ZFR: variants seen among roughly 807,000 people sequenced by gnomAD.
ZFR encodes zinc finger RNA binding protein, also known as zinc finger RNA-binding protein.
Under a neutral mutation model 130.7 loss-of-function variants are expected in ZFR, and 19 were observed. The observed-to-expected ratio is 0.15, with a 90% confidence interval of 0.10 to 0.21. The LOEUF (loss-of-function observed/expected upper bound fraction) is 0.21. Ranked by LOEUF, ZFR falls within the 10% of genes least tolerant of loss-of-function variation. The probability of loss-of-function intolerance (pLI) is 1.00; values close to 1 mark genes in which losing one functional copy is unlikely to be tolerated. For synonymous variants in ZFR, 466 were observed against 456.9 expected, an observed-to-expected ratio of 1.02 and a Z score of -0.25; for missense variants, 872 against 1,321.5, an observed-to-expected ratio of 0.66 and a Z score of 5.27.
intron 2 of ZFR, among the ~76,000 whole-genome samples, chr5:32,424,741 A>C (rs1291651178): frequency 6.6e-6 from 1 of 152,230 alleles, no homozygotes; most frequent in Non-Finnish European, 1.5e-5. Flanking sequence ...AGAAATCATA[A>C]TCATAGAATG....
At chr5:32,365,567 TTTTTA>T (rs2111665116) in intron 17 of ZFR, among the ~76,000 whole-genome samples, 1 of 152,000 alleles carries the variant, frequency 6.6e-6, no homozygotes, top group African/African-American at 2.4e-5. Flanking sequence ...TCAAGATTCT[TTTTTA>T]TTTTGAGAAA....
intron 4 of ZFR, among the ~76,000 whole-genome samples, chr5:32,416,522 G>C (rs575061213): frequency 6.7e-6 from 1 of 150,312 alleles, no homozygotes; most frequent in East Asian, 2.0e-4. Flanking sequence ...GCTGAGGCAG[G>C]AGAATCGCTT....
chr5:32,395,146 T>C lies in ZFR; in HGVS notation c.1979+13A>G, dbSNP rs1169291489. ...GAACCACTTACCAGGCTATTAAAAG[T>C]TAAAGATATTACCTCATTTCCATTC... On this transcript the variant is annotated intron_variant, in intron 11 of 19. Coordinates refer to ENST00000265069, the MANE Select transcript of ZFR (RefSeq NM_016107.5). 1.3e-6 allele frequency: 2 copies of C among 1,578,966 alleles called. No homozygotes were observed. The highest frequency in any genetic ancestry group is 1.7e-6 in the Non-Finnish European group (2 of 1,165,802).
intron 4 of ZFR, among the ~76,000 whole-genome samples, chr5:32,416,614 CAA>C (rs10630801): frequency 7.5e-6 from 1 of 132,798 alleles, no homozygotes; most frequent in African/African-American, 2.9e-5. Flanking sequence ...AACTCCGTCT[CAA>C]AAAAAAAAAA....
At chr5:32,357,252 G>A (rs1377312522) in intron 19 of ZFR, among the ~76,000 whole-genome samples, 1 of 151,550 alleles carries the variant, frequency 6.6e-6, no homozygotes, top group Non-Finnish European at 1.5e-5. Context: ...TATCATGACT[G>A]GCTATAACTT....
chr5:32,403,448 A>C (rs1363386514), intron 7 of ZFR, 51 bp from the exon 8 acceptor site: 1 of 1,571,400 alleles, frequency 6.4e-7, no homozygotes, highest in Non-Finnish European at 8.6e-7. Flanking sequence ...TAGATTTTGA[A>C]AAGTCTGCCT....
intron 5 of ZFR, among the ~76,000 whole-genome samples, chr5:32,411,622 G>A (rs1753710122): frequency 6.9e-6 from 1 of 144,208 alleles, no homozygotes; most frequent in African/African-American, 2.6e-5. Flanking sequence ...CTGGGAGGCA[G>A]AGGTTGCAGT....
At position 32,390,367 on chromosome 5, in the gene ZFR, T is replaced by C; in HGVS notation, c.2050A>G (p.Met684Val). 6.2e-7 allele frequency: 1 copy of C among 1,614,180 alleles called. No homozygotes were observed. Among genetic ancestry groups the C allele is most frequent in the Non-Finnish European group, 8.5e-7 (1 of 1,180,016 alleles). ...EQHHWDDRRR[M>V]PDGGYPHGPP... ...CCATGAGGATAACCTCCATCTGGCATTCGGCGGCGATCATCCCAATGATGT... is the reference window on the plus strand; with the variant it reads ...CCATGAGGATAACCTCCATCTGGCACTCGGCGGCGATCATCCCAATGATGT... The change falls in exon 12 of 20, where the codon ATG (methionine) becomes GTG (valine). Residue 684 changes from methionine (M) to valine (V), a missense_variant. By Grantham distance (21) the Met-to-Val change is conservative. Coordinates refer to ENST00000265069, the MANE Select transcript of ZFR (RefSeq NM_016107.5).
At chr5:32,444,350 G>C (rs1399437878) in intron 1 of ZFR, 22 bp from the exon 2 acceptor site, 2 of 1,534,016 alleles carry the variant, frequency 1.3e-6, no homozygotes, top group Non-Finnish European at 1.8e-6. Flanking sequence ...ACGAAGAGTC[G>C]GGTCCCATGG....
At chr5:32,441,318 A>G (rs1199502484) in intron 2 of ZFR, among the ~76,000 whole-genome samples, 1 of 152,072 alleles carries the variant, frequency 6.6e-6, no homozygotes, top group East Asian at 2.0e-4. Flanking sequence ...CTTTATCTGT[A>G]TTCAATGATA....
intron 3 of ZFR, among the ~76,000 whole-genome samples, chr5:32,418,184 C>G (rs1043563967): frequency 1.3e-5 from 2 of 151,538 alleles, no homozygotes; most frequent in Non-Finnish European, 2.9e-5. Context: ...GGCATGAACC[C>G]GGGAGGCGGA....
At chr5:32,406,595 T>A in intron 6 of ZFR, 179 bp downstream of exon 6, 1 of 820,442 alleles carries the variant, frequency 1.2e-6, no homozygotes, top group Non-Finnish European at 1.7e-6. Context: ...GTCACAATCA[T>A]CTTTACAGTT....
At chr5:32,430,182 A>T (rs1754172814) in intron 2 of ZFR, among the ~76,000 whole-genome samples, 1 of 152,060 alleles carries the variant, frequency 6.6e-6, no homozygotes, top group Non-Finnish European at 1.5e-5. Flanking sequence ...TTGAGACCAC[A>T]GGCATTAGAA....
intron 9 of ZFR, among the ~76,000 whole-genome samples, chr5:32,397,849 CTT>C (rs70961626): frequency 4.1e-3 from 274 of 66,820 alleles, no homozygotes; most frequent in Admixed American, 4.3e-3. Flanking sequence ...GCTCTTGTAT[CTT>C]TTTTTTTTTT....
In ZFR at chr5:32,390,262, C is replaced by T. The variant is rs369315637; in HGVS notation, c.2142+13G>A. ...AAACTTTCACCCCTTGTATCACCAA[C>T]GTGGACACTCACTGCAGGCCCCTGA... is the stretch of plus-strand genomic sequence containing the variant. On this transcript the variant is annotated intron_variant, in intron 12 of 19. Coordinates refer to ENST00000265069, the MANE Select transcript of ZFR (RefSeq NM_016107.5). 3.4e-5 allele frequency: 55 copies of T among 1,607,958 alleles called. No individual in the cohort carries two copies. The East Asian group carries it at 8.3e-4, about 24-fold the overall frequency.
chr5:32,410,224 G>C (rs746572917), intron 5 of ZFR, among the ~76,000 whole-genome samples: 1 of 144,894 alleles, frequency 6.9e-6, no homozygotes, highest in Non-Finnish European at 1.5e-5. Flanking sequence ...GGAGGTTGCA[G>C]TGAGCTGGGA....
At chr5:32,367,865 A>C (rs1205187089) in intron 17 of ZFR, among the ~76,000 whole-genome samples, 1 of 152,210 alleles carries the variant, frequency 6.6e-6, no homozygotes, top group Non-Finnish European at 1.5e-5. Flanking sequence ...TTAATTCAAG[A>C]TGGAAAAAAA....
Position 32,385,595 on chromosome 5 carries a change from T to C in ZFR, c.2554A>G (p.Ile852Val). The C allele has an allele frequency of 6.2e-7, 1 of 1,613,552 alleles. No homozygotes were observed. The highest frequency in any genetic ancestry group is 8.5e-7 in the Non-Finnish European group (1 of 1,179,582). Residue 852 changes from isoleucine to valine, a missense_variant, in exon 15 of 20, where the codon ATT becomes GTT. Transcript: ENST00000265069. ...IKCAVSEAAI[I>V]LNSCVEPKMQ... ...TTGGGTTCCACACATGAATTCAAAA[T>C]TATTGCCGCTTCAGATACAGCACAT...
chr5:32,435,577 A>G (rs981034815), intron 2 of ZFR, among the ~76,000 whole-genome samples: 2 of 152,232 alleles, frequency 1.3e-5, no homozygotes, highest in African/African-American at 4.8e-5. Flanking sequence ...GAGAAGCTAT[A>G]AAGCCACTTT....
Sources: allele counts gnomAD v4.1 joint callset (sites outside exome capture counted in the v4.1 genomes callset), GRCh38; gene constraint gnomAD v4.1.1; transcripts MANE v1.5; gene names NCBI Gene and HGNC (gene_info 2026-07-23, HGNC 2026-07-21).